ESRRG: variants seen among roughly 807,000 people sequenced by gnomAD.
The protein encoded by ESRRG is estrogen related receptor gamma, also known as estrogen-related receptor gamma.
In ESRRG, 13 loss-of-function variants were observed where a neutral mutation model predicts 44.0. The ratio of observed to expected loss-of-function variants is 0.30; its 90% CI spans 0.19 to 0.47. ESRRG has a LOEUF of 0.47. Among genes scored for constraint, ESRRG ranks in the 20% least tolerant of loss-of-function variants. ESRRG has a pLI of 1.00. For missense variants in ESRRG, 395 were observed against 580.6 expected (o/e 0.68, Z 3.29); for synonymous variants, 215 against 214.6 (o/e 1.00, Z -0.02).
At chr1:216,741,477 C>CAT (rs2090729052) in intron 2 of ESRRG, among the ~76,000 whole-genome samples, 4 of 148,640 alleles carry the variant, frequency 2.7e-5, no homozygotes, top group African/African-American at 7.4e-5. Flanking sequence ...CACACACACA[C>CAT]ATATACCTCT....
intron 2 of ESRRG, among the ~76,000 whole-genome samples, chr1:216,660,766 G>C (rs2072120451): frequency 6.6e-6 from 1 of 152,080 alleles, no homozygotes; most frequent in Non-Finnish European, 1.5e-5. Flanking sequence ...GGCAGCTGTG[G>C]GATAGGATAG....
chr1:217,088,010 T>C (rs1425057180), intron 1 of ESRRG, among the ~76,000 whole-genome samples: 1 of 151,920 alleles, frequency 6.6e-6, no homozygotes. Context: ...GTTTCTCAGG[T>C]TGGTTAACTC....
intron 3 of ESRRG, among the ~76,000 whole-genome samples, chr1:216,583,888 C>T (rs1180619630): frequency 1.3e-5 from 2 of 152,128 alleles, no homozygotes; most frequent in Non-Finnish European, 2.9e-5. Context: ...TAAAAACCAT[C>T]AGATCTCATG....
At chr1:217,113,700 A>G (rs1411846550) in intron 1 of ESRRG, among the ~76,000 whole-genome samples, 1 of 152,168 alleles carries the variant, frequency 6.6e-6, no homozygotes, top group Admixed American at 6.6e-5. Flanking sequence ...CCTCCCTTTA[A>G]GAATCTGGGC....
chr1:216,625,446 AT>A (rs1298654266), intron 3 of ESRRG, among the ~76,000 whole-genome samples: 2 of 151,556 alleles, frequency 1.3e-5, no homozygotes, highest in South Asian at 2.1e-4. Flanking sequence ...AAAAATCTAT[AT>A]TAACACTTGT....
chr1:216,886,751 T>A (rs1296785065), intron 2 of ESRRG, among the ~76,000 whole-genome samples: 1 of 152,160 alleles, frequency 6.6e-6, no homozygotes, highest in Non-Finnish European at 1.5e-5. Context: ...TGAGACAGGT[T>A]CTCACTCTAT....
chr1:216,666,047 C>A (rs2073852382), intron 2 of ESRRG, among the ~76,000 whole-genome samples: 2 of 152,200 alleles, frequency 1.3e-5, no homozygotes, highest in African/African-American at 4.8e-5. Flanking sequence ...ATGACTTTTA[C>A]TCATGTCAAA....
chr1:216,516,668 C>CACACACACACACAGAGAGAGAGAGAG (rs376701865), intron 6 of ESRRG, among the ~76,000 whole-genome samples: 6 of 137,166 alleles, frequency 4.4e-5, no homozygotes, highest in African/African-American at 1.8e-4. Context: ...CACACACACA[C>CACACACACACACAGAGAGAGAGAGAG]AGAGAGAGAG....
intron 5 of ESRRG, among the ~76,000 whole-genome samples, chr1:216,547,556 A>G (rs2054933427): frequency 6.6e-6 from 1 of 152,124 alleles, no homozygotes; most frequent in Admixed American, 6.6e-5. Flanking sequence ...GTCTGCTGAC[A>G]TCACCCTGTC....
intron 1 of ESRRG, among the ~76,000 whole-genome samples, chr1:217,014,032 C>G (rs916461893): frequency 6.6e-5 from 10 of 151,958 alleles, no homozygotes; most frequent in African/African-American, 9.7e-5. Flanking sequence ...GCCTATCCAC[C>G]CTTCTTTGAC....
intron 3 of ESRRG, among the ~76,000 whole-genome samples, chr1:216,636,090 G>T (rs1293075100): frequency 6.6e-6 from 1 of 152,152 alleles, no homozygotes. Context: ...TACAGACTAA[G>T]AAACTGAGGC....
chr1:217,110,704 T>C (rs1335949018), intron 1 of ESRRG, among the ~76,000 whole-genome samples: 4 of 152,044 alleles, frequency 2.6e-5, no homozygotes, highest in East Asian at 1.9e-4. Flanking sequence ...CTCACTATCA[T>C]AGGATAGCAC....
chr1:216,922,099 C>T (rs926016731), intron 2 of ESRRG, among the ~76,000 whole-genome samples: 1 of 152,180 alleles, frequency 6.6e-6, no homozygotes, highest in African/African-American at 2.4e-5. Context: ...CTCTCTATGT[C>T]TCACCATGGA....
chr1:216,802,920 A>G (rs1559697156), intron 2 of ESRRG, among the ~76,000 whole-genome samples: 1 of 152,160 alleles, frequency 6.6e-6, no homozygotes, highest in Non-Finnish European at 1.5e-5. Flanking sequence ...TCTTGAAGAC[A>G]TTCCCTCAAT....
chr1:217,074,698 A>G (rs1305864744), intron 1 of ESRRG, among the ~76,000 whole-genome samples: 2 of 152,138 alleles, frequency 1.3e-5, no homozygotes, highest in Non-Finnish European at 2.9e-5. Context: ...AATTGAGCCC[A>G]GGAGTTTAAG....
chr1:216,893,750 T>C (rs1286770197), intron 2 of ESRRG, among the ~76,000 whole-genome samples: 1 of 152,112 alleles, frequency 6.6e-6, no homozygotes, highest in Non-Finnish European at 1.5e-5. Context: ...AAAAAGCTTA[T>C]TGGAAAAACA....
intron 2 of ESRRG, among the ~76,000 whole-genome samples, chr1:216,853,646 C>A (rs1203687791): frequency 6.6e-6 from 1 of 152,164 alleles, no homozygotes; most frequent in Admixed American, 6.5e-5. Context: ...CACATTTTAC[C>A]TCTCTTCCAA....
chr1:216,934,801 G>GT lies in ESRRG; in HGVS notation c.-14+4780dup, dbSNP rs1472670613. Among the ~76,000 whole-genome samples, 3 of 152,190 alleles carry GT rather than the reference G, an allele frequency of 2.0e-5. No individual in the cohort carries two copies. In the East Asian group the frequency reaches 5.8e-4, roughly 29 times the overall value. On this transcript the variant is annotated intron_variant, in intron 2 of 7. Transcript: ENST00000359162. ...CATATCCATTGTTTTTTAAAAAGTG[G>GT]TTATCCACTGAGAGAAAGGGTTGGG...
At chr1:216,949,789 AG>A (rs1560226563) in intron 1 of ESRRG, among the ~76,000 whole-genome samples, 1 of 151,708 alleles carries the variant, frequency 6.6e-6, no homozygotes, top group Non-Finnish European at 1.5e-5. Context: ...TAGTTTAGGG[AG>A]GGGAAAGAAC....
Sources: allele counts gnomAD v4.1 joint callset (sites outside exome capture counted in the v4.1 genomes callset), GRCh38; gene constraint gnomAD v4.1.1; transcripts MANE v1.5; gene names NCBI Gene and HGNC (gene_info 2026-07-23, HGNC 2026-07-21).